The following ADGRB1 variants were observed in gnomAD, a reference collection of about 807,000 sequenced individuals.
ADGRB1 encodes adhesion G protein-coupled receptor B1.
Under a neutral mutation model 175.7 loss-of-function variants are expected in ADGRB1, and 36 were observed. The observed-to-expected ratio is 0.20, with a 90% CI of 0.16 to 0.27. The LOEUF is 0.27. Ranked by LOEUF, ADGRB1 falls within the 10% of genes least tolerant of loss-of-function variation. The probability of loss-of-function intolerance (pLI) is 1.00; values close to 1 mark genes in which losing one functional copy is unlikely to be tolerated. For synonymous variants in ADGRB1, 1,054 were observed against 979.4 expected (o/e 1.08, Z -1.42); for missense variants, 1,731 against 2,255.3 (o/e 0.77, Z 4.71).
At chr8:142,515,398 C>T (rs1376783398) in intron 18 of ADGRB1, among the ~76,000 whole-genome samples, 2 of 152,184 alleles carry the variant, frequency 1.3e-5, no homozygotes, top group African/African-American at 4.8e-5. Context: ...CAACGGCCGT[C>T]GGGAGTGACT....
intron 13 of ADGRB1, among the ~76,000 whole-genome samples, chr8:142,486,736 A>G (rs61595396): frequency 0.083 from 12,611 of 152,238 alleles, 693 homozygotes; most frequent in East Asian, 0.15. Context: ...TTAAAGACTG[A>G]GGTTAGGCAC....
chr8:142,498,443 TGCCTGCTTGG>T (rs1842330128), intron 17 of ADGRB1, among the ~76,000 whole-genome samples: 1 of 151,898 alleles, frequency 6.6e-6, no homozygotes, highest in African/African-American at 2.4e-5. Flanking sequence ...TTGCCCCGGG[TGCCTGCTTGG>T]GCCTCTGTGT....
Position 142,520,825 on chromosome 8 carries a change from A to T in ADGRB1, c.2924A>T (p.Tyr975Phe). The stretch of plus-strand genomic sequence containing the variant: ...TTGGGCCCCTGCACTCTCCACAGGT[A>T]CATTCGCTCAGAGCGTTCTGTCATC... ...LVIIYVSVWR[Y>F]IRSERSVILI... The change falls in exon 20 of 31, where the codon TAC (tyrosine) becomes TTC (phenylalanine). Residue 975 changes from tyrosine (Y) to phenylalanine (F), a missense_variant and splice_region_variant. Physicochemically the swap from Tyr to Phe is conservative, Grantham distance 22. Around this residue, in one of 8 missense-constraint regions of ADGRB1, gnomAD observed 301 missense variants for 488.4 expected, o/e 0.62. Coordinates refer to ENST00000517894, the MANE Select transcript of ADGRB1 (RefSeq NM_001702.3). The T allele has an allele frequency of 6.2e-7, 1 of 1,613,256 alleles. No individual in the cohort carries two copies. The highest frequency in any genetic ancestry group is 2.2e-5 in the East Asian group (1 of 44,862).
rs147146290 is a variant in ADGRB1 at position 142,463,248 on chromosome 8, C to T, written c.-219-732C>T. ...GGCACGAGGGCACACGTGGGAGGGC[C>T]GAAAGAGAGCTTCCTGGCAGGAGCA... On this transcript the variant is annotated intron_variant, in intron 1 of 30. Coordinates refer to ENST00000517894, the MANE Select transcript of ADGRB1 (RefSeq NM_001702.3). Among the ~76,000 whole-genome samples the T allele has an allele frequency of 3.7e-3, 570 of 152,272 alleles. 5 individuals carry two copies. The highest frequency in any genetic ancestry group is 0.017 in the Middle Eastern group (5 of 294).
chr8:142,491,864 G>A (rs1046597337), intron 17 of ADGRB1, among the ~76,000 whole-genome samples: 1 of 152,312 alleles, frequency 6.6e-6, no homozygotes, highest in Non-Finnish European at 1.5e-5. Context: ...AGTGGCAGGC[G>A]TTGGAGGACA....
chr8:142,481,220 G>T, intron 9 of ADGRB1, 34 bp from the exon 10 acceptor site: 1 of 1,593,016 alleles, frequency 6.3e-7, no homozygotes. Context: ...GCCAGGCAGC[G>T]GGCATCCACC....
Position 142,484,667 on chromosome 8 carries a change from C to T in ADGRB1, c.2211C>T (p.Asn737=), listed in dbSNP as rs754990402. The T allele has an allele frequency of 3.0e-5, 49 of 1,609,956 alleles. No homozygotes were observed. In the Middle Eastern group the frequency reaches 4.9e-4, roughly 16 times the overall value. ...CCCCTGCCCTCCAGGCGGGCCCCAA[C>T]GCCAAGGAGCTGTTCCGGCTGGTGG... ...KWEEAQLAGP[N]AKELFRLVED... is the part of the protein sequence containing the mutation. Residue 737 remains asparagine, a synonymous_variant, in exon 13 of 31, where the codon AAC becomes AAT. Coordinates refer to ENST00000517894, the MANE Select transcript of ADGRB1 (RefSeq NM_001702.3).
chr8:142,489,420 G>A lies in ADGRB1; in HGVS notation c.2613G>A (p.Glu871=), dbSNP rs146388200. The change falls in exon 16 of 31, where the codon GAG becomes GAA. Residue 871 remains glutamate, a synonymous_variant. Coordinates refer to ENST00000517894, the MANE Select transcript of ADGRB1 (RefSeq NM_001702.3). ...CCCTGCGCACACCCTTGGAGATCGA[G>A]TTTGCCCACATGTATAATGTGAGTG... The part of the protein sequence containing the change: ...PRSLRTPLEI[E]FAHMYNGTTN... 1.2e-6 allele frequency: 2 copies of A among 1,612,888 alleles called. No individual in the cohort carries two copies. The highest frequency in any genetic ancestry group is 4.5e-5 in the East Asian group (2 of 44,866).
intron 18 of ADGRB1, among the ~76,000 whole-genome samples, chr8:142,516,490 T>C (rs114459079): frequency 0.029 from 3,894 of 132,172 alleles, 158 homozygotes; most frequent in African/African-American, 0.096. Context: ...TGCGCGCGCG[T>C]GTGTGCGGGC....
intron 16 of ADGRB1, among the ~76,000 whole-genome samples, chr8:142,490,291 C>T (rs1198568119): frequency 6.6e-6 from 1 of 152,206 alleles, no homozygotes; most frequent in East Asian, 1.9e-4. Flanking sequence ...GGAGCTGTGG[C>T]CATCTCTGCT....
chr8:142,468,081 TTG>T (rs1424283673), intron 2 of ADGRB1, among the ~76,000 whole-genome samples: 2 of 152,236 alleles, frequency 1.3e-5, no homozygotes, highest in South Asian at 2.1e-4. Flanking sequence ...TGCAAGTGTG[TTG>T]TGTGTGCGTG....
rs747253440 is a variant in ADGRB1 at position 142,488,437 on chromosome 8, G to A, written c.2382G>A (p.Thr794=). The part of the protein sequence containing the change: ...ISFPMKGWRA[T]GDWAKVPEDR... ...TCCCCATGAAGGGCTGGCGGGCCAC[G>A]GGTGACTGGGCCAAGGTGCCAGAGG... Residue 794 remains threonine, a synonymous_variant, in exon 14 of 31, where the codon ACG becomes ACA. Coordinates refer to ENST00000517894, the MANE Select transcript of ADGRB1 (RefSeq NM_001702.3). The A allele has an allele frequency of 3.1e-6, 5 of 1,613,084 alleles. No individual in the cohort carries two copies. The highest frequency in any genetic ancestry group is 3.3e-5 in the Admixed American group (2 of 60,008).
rs1253174497 is a variant in ADGRB1 at position 142,474,146 on chromosome 8, C to A, written c.785-1328C>A. Reference sequence around the variant, plus strand: ...GCTGGAGCTACCCTGGGGTCTCCTGCAGTCCACACTCCCACTGAGGGAGGC... The same window carrying A: ...GCTGGAGCTACCCTGGGGTCTCCTGAAGTCCACACTCCCACTGAGGGAGGC... On this transcript the variant is annotated intron_variant, in intron 2 of 30. Transcript: ENST00000517894. This position sits in a 1 kb window ranked among gnomAD's most constrained non-coding sequence, Gnocchi z 5.8. 1.3e-5 allele frequency among the ~76,000 whole-genome samples: 2 copies of A among 152,148 alleles called. No homozygotes were observed. The highest frequency in any genetic ancestry group is 4.1e-4 in the South Asian group (2 of 4,828).
At chr8:142,471,523 A>G (rs1352247822) in intron 2 of ADGRB1, among the ~76,000 whole-genome samples, 2 of 152,214 alleles carry the variant, frequency 1.3e-5, no homozygotes, top group African/African-American at 4.8e-5. Context: ...TGATCAAGAA[A>G]AGGAAGCAAC....
chr8:142,484,771 C>T lies in ADGRB1; in HGVS notation c.2308+7C>T, dbSNP rs895914679. On this transcript the variant is annotated splice_region_variant and intron_variant, in intron 13 of 30. Coordinates refer to ENST00000517894, the MANE Select transcript of ADGRB1 (RefSeq NM_001702.3). ...CAGGTGACAGACAACCTGGGTAAGC[C>T]TGCCCGCCTGCTGCCACCCCCCATG... The T allele has an allele frequency of 1.3e-6, 2 of 1,578,968 alleles. No homozygotes were observed. Among genetic ancestry groups the T allele is most frequent in the East Asian group, 2.3e-5 (1 of 43,698 alleles).
At chr8:142,526,398 G>A in intron 23 of ADGRB1, 144 bp from the exon 24 acceptor site, 1 of 720,642 alleles carries the variant, frequency 1.4e-6, no homozygotes. Flanking sequence ...CAGGCACTGG[G>A]GTTCCTGTGA....
At chr8:142,538,785 C>T (rs7460242) in intron 26 of ADGRB1, among the ~76,000 whole-genome samples, 63,374 of 152,026 alleles carry the variant, frequency 0.42, 15,122 homozygotes, top group African/African-American at 0.64. Flanking sequence ...CAACATCCCC[C>T]CCCACCACCT....
intron 16 of ADGRB1, 70 bp from the exon 17 acceptor site, chr8:142,490,702 C>G: frequency 6.7e-7 from 1 of 1,498,072 alleles, no homozygotes; most frequent in Non-Finnish European, 9.1e-7. Flanking sequence ...TAGGTGGGTC[C>G]CATGGTGACC....
Position 142,510,115 on chromosome 8 carries a change from G to T in ADGRB1, c.2676-817G>T, listed in dbSNP as rs1843002932. ...AGGAGGAGGTGGAGGAGGAAGAACAGGAGGAGGAGGTTGGGGGTGGAGAGG... is the reference window on the plus strand; with the variant it reads ...AGGAGGAGGTGGAGGAGGAAGAACATGAGGAGGAGGTTGGGGGTGGAGAGG... On this transcript the variant is annotated intron_variant, in intron 17 of 30. Coordinates refer to ENST00000517894, the MANE Select transcript of ADGRB1 (RefSeq NM_001702.3). This position sits in a 1 kb window ranked among gnomAD's most constrained non-coding sequence, Gnocchi z 6.3. 6.6e-6 allele frequency among the ~76,000 whole-genome samples: 1 copy of T among 152,108 alleles called. No homozygotes were observed. The highest frequency in any genetic ancestry group is 6.5e-5 in the Admixed American group (1 of 15,292).
Sources: allele counts gnomAD v4.1 joint callset (sites outside exome capture counted in the v4.1 genomes callset), GRCh38; gene constraint gnomAD v4.1.1; regional missense constraint gnomAD v4.1.1; non-coding constraint Gnocchi (gnomAD v3.1); transcripts MANE v1.5; gene names NCBI Gene and HGNC (gene_info 2026-07-23, HGNC 2026-07-21).